SRF: variants seen among roughly 807,000 people sequenced by gnomAD.
SRF encodes the protein serum response factor, also known as c-fos serum response element-binding transcription factor.
SRF carries 7 observed loss-of-function variants against 37.1 expected under a neutral mutation model. The ratio of observed to expected loss-of-function variants is 0.19; its 90% CI spans 0.11 to 0.35. SRF has a LOEUF of 0.35. Among genes scored for constraint, SRF ranks in the 10% least tolerant of loss-of-function variants. The probability of loss-of-function intolerance (pLI) is 1.00; values close to 1 mark genes in which losing one functional copy is unlikely to be tolerated. For synonymous variants in SRF, 285 were observed against 310.1 expected (o/e 0.92, Z 0.85); for missense variants, 395 against 694.4 (o/e 0.57, Z 4.85).
rs552473833 is a variant in SRF, at chr6:43,178,168, A to G, written c.1163-126A>G. The G allele has an allele frequency of 2.3e-6, 2 of 888,088 alleles. No individual in the cohort carries two copies. The highest frequency in any genetic ancestry group is 3.1e-5 in the Admixed American group (1 of 32,408). The allele number at this position is 888,088 out of a possible 1,614,324, so 55.0% of individuals were successfully genotyped here. A position where few individuals can be genotyped will look rare whatever the true frequency, so the allele number is the denominator to read the frequency against. ...TCTTAGTTGATGATGGAGCTGAGGA[A>G]TAGTCGTGTCTAGCTTCTGACCTGG... On this transcript the variant is annotated intron_variant, in intron 4 of 6. Transcript: ENST00000265354. This position sits in a 1 kb window ranked among gnomAD's most constrained non-coding sequence, Gnocchi z 4.3.
chr6:43,177,228 G>GTTTTTTTTTTTGT (rs1772215264), intron 4 of SRF, among the ~76,000 whole-genome samples: 1 of 116,848 alleles, frequency 8.6e-6, no homozygotes, highest in African/African-American at 3.8e-5. Context: ...ATCGGAGTCT[G>GTTTTTTTTTTTGT]TTTTTTTTTT....
Position 43,178,400 on chromosome 6 carries a change from G to A in SRF, c.1269G>A (p.Leu423=), listed in dbSNP as rs748196511. 3 of 1,614,090 alleles carry A rather than the reference G, an allele frequency of 1.9e-6. No homozygotes were observed. The highest frequency in any genetic ancestry group is 1.7e-6 in the Non-Finnish European group (2 of 1,180,018). ...HAVMYAPTSG[L]GDGSLTVLNA... The stretch of plus-strand genomic sequence containing the variant: ...TGATGTATGCCCCCACCTCGGGCCT[G>A]GGTGATGGCAGCCTCACCGTGCTGA... Residue 423 remains leucine (L), a synonymous_variant, in exon 5 of 7, where the codon CTG becomes CTA. Transcript: ENST00000265354. The surrounding 1 kb of genome is among the most constrained non-coding windows in gnomAD (Gnocchi z 4.3).
Position 43,176,643 on chromosome 6 carries a change from A to G in SRF, c.1138A>G (p.Thr380Ala). 3 of 1,613,786 alleles carry G rather than the reference A, an allele frequency of 1.9e-6. No individual in the cohort carries two copies. The highest frequency in any genetic ancestry group is 2.5e-6 in the Non-Finnish European group (3 of 1,179,780). Residue 380 changes from threonine (T) to alanine (A), a missense_variant, in exon 4 of 7, where the codon ACG becomes GCG. By Grantham distance (58) the Thr-to-Ala change is moderately conservative. Transcript: ENST00000265354. This position sits in a 1 kb window ranked among gnomAD's most constrained non-coding sequence, Gnocchi z 4.0. ...CTCCCGTGACAGCAGCACAGACCTCACGCAGACCTCCTCCAGCGGGACAGG... is the reference window on the plus strand; with the variant it reads ...CTCCCGTGACAGCAGCACAGACCTCGCGCAGACCTCCTCCAGCGGGACAGG... Reference protein sequence around the residue: ...SPSRDSSTDLTQTSSSGTVTL... With the variant: ...SPSRDSSTDLAQTSSSGTVTL...
In SRF at chr6:43,171,306, G is replaced by C. The variant is rs1379365015; in HGVS notation, c.-351G>C. On this transcript the variant is annotated 5_prime_UTR_variant, in exon 1 of 7. Transcript: ENST00000265354. This position sits in a 1 kb window ranked among gnomAD's most constrained non-coding sequence, Gnocchi z 6.5. ...TCTTTATATGGGGGGAAGGGTCGGG[G>C]GATCCCTCCGCCGCCAGCGCGTGGT... is the stretch of plus-strand genomic sequence containing the variant. The C allele has an allele frequency of 1.2e-5, 2 of 166,914 alleles. No homozygotes were observed. The highest frequency in any genetic ancestry group is 4.8e-5 in the African/African-American group (2 of 41,952). The allele number at this position is 166,914 out of a possible 1,614,324, so 10.3% of individuals were successfully genotyped here.
chr6:43,176,770 C>T lies in SRF; in HGVS notation c.1162+103C>T. On this transcript the variant is annotated intron_variant, in intron 4 of 6. Transcript: ENST00000265354. This position sits in a 1 kb window ranked among gnomAD's most constrained non-coding sequence, Gnocchi z 4.0. The stretch of plus-strand genomic sequence containing the variant: ...TCCTGTAACTAAAGTCAGGGGATTT[C>T]TTAAAGTGGAGATTGAGGCTTTGGG... 6.7e-7 allele frequency: 1 copy of T among 1,487,550 alleles called. No homozygotes were observed. Among genetic ancestry groups the T allele is most frequent in the Non-Finnish European group, 9.1e-7 (1 of 1,099,082 alleles). 92.1% of individuals were successfully genotyped at this position (1,487,550 alleles called of 1,614,324 possible).
In SRF at chr6:43,176,548, G is replaced by T; in HGVS notation, c.1043G>T (p.Gly348Val). Reference sequence around the variant, plus strand: ...ACAAATAAGACTCTGTGTCTTGCAGGTGGGGCAGTGGCCCAGCAGGTCCCA... The same window carrying T: ...ACAAATAAGACTCTGTGTCTTGCAGTTGGGGCAGTGGCCCAGCAGGTCCCA... ...QLPTSFTLMP[G>V]GAVAQQVPVQ... is the part of the protein sequence containing the mutation. The change falls in exon 4 of 7, where the codon GGT becomes GTT. Residue 348 changes from glycine to valine, a missense_variant and splice_region_variant. Gly to Val is a moderately radical substitution (Grantham distance 109, BLOSUM62 -3). This residue lies in a region of SRF where 232 missense variants were observed against 335.6 expected (regional missense o/e 0.69). Coordinates refer to ENST00000265354, the MANE Select transcript of SRF (RefSeq NM_003131.4). The surrounding 1 kb of genome is among the most constrained non-coding windows in gnomAD (Gnocchi z 4.0). 6.2e-7 allele frequency: 1 copy of T among 1,614,104 alleles called. No individual in the cohort carries two copies. The highest frequency in any genetic ancestry group is 8.5e-7 in the Non-Finnish European group (1 of 1,179,992).
rs772298484 is a variant in SRF at position 43,172,205 on chromosome 6, G to T, written c.513+36G>T. ...GGGGGGCTGGCCGGCCCCGGGGCCC[G>T]GTTGGGGTGGGGATGTGCAAAGGGA... On this transcript the variant is annotated intron_variant, in intron 1 of 6. Coordinates refer to ENST00000265354, the MANE Select transcript of SRF (RefSeq NM_003131.4). The surrounding 1 kb of genome is among the most constrained non-coding windows in gnomAD (Gnocchi z 5.7). 4 of 1,590,208 alleles carry T rather than the reference G, an allele frequency of 2.5e-6. No homozygotes were observed. Among genetic ancestry groups the T allele is most frequent in the Non-Finnish European group, 3.4e-6 (4 of 1,173,442 alleles).
chr6:43,173,933 A>G lies in SRF; in HGVS notation c.600A>G (p.Arg200=), dbSNP rs372574286. ...GCCATGTGTATACCTTTGCCACCCG[A>G]AAACTGCAGCCCATGATCACCAGTG... is the stretch of plus-strand genomic sequence containing the variant. ...ETGHVYTFAT[R]KLQPMITSET... The change falls in exon 2 of 7, where the codon CGA becomes CGG. Residue 200 remains arginine, a synonymous_variant. Coordinates refer to ENST00000265354, the MANE Select transcript of SRF (RefSeq NM_003131.4). This position sits in a 1 kb window ranked among gnomAD's most constrained non-coding sequence, Gnocchi z 4.2. 7 of 1,613,982 alleles carry G rather than the reference A, an allele frequency of 4.3e-6. No homozygotes were observed. Among genetic ancestry groups the G allele is most frequent in the Non-Finnish European group, 5.9e-6 (7 of 1,180,022 alleles).
Position 43,172,740 on chromosome 6 carries a change from C to T in SRF, c.513+571C>T, listed in dbSNP as rs1165419227. Among the ~76,000 whole-genome samples, 1 of 152,148 alleles carries T rather than the reference C, an allele frequency of 6.6e-6. No individual in the cohort carries two copies. Among genetic ancestry groups the T allele is most frequent in the Non-Finnish European group, 1.5e-5 (1 of 68,024 alleles). On this transcript the variant is annotated intron_variant, in intron 1 of 6. Transcript: ENST00000265354. The surrounding 1 kb of genome is among the most constrained non-coding windows in gnomAD (Gnocchi z 5.7). ...CTGGTGCTGCCCTGAGCAGCAGGAA[C>T]CTAGTCCTGCGCCGGCCGTGAGTCT... is the stretch of plus-strand genomic sequence containing the variant.
Position 43,181,062 on chromosome 6 carries a change from C to T in SRF, c.*1872C>T, listed in dbSNP as rs1195914146. 1.3e-5 allele frequency: 2 copies of T among 152,602 alleles called. No homozygotes were observed. Among genetic ancestry groups the T allele is most frequent in the Admixed American group, 1.3e-4 (2 of 15,272 alleles). 9.5% of individuals were successfully genotyped at this position (152,602 alleles called of 1,614,324 possible). Reference sequence around the variant, plus strand: ...ACTCAGGTCTGTAACTGCCCAGCCCCTTTTCTCTGCTCTTGTTTCACTCCA... The same window carrying T: ...ACTCAGGTCTGTAACTGCCCAGCCCTTTTTCTCTGCTCTTGTTTCACTCCA... On this transcript the variant is annotated 3_prime_UTR_variant, in exon 7 of 7. Coordinates refer to ENST00000265354, the MANE Select transcript of SRF (RefSeq NM_003131.4).
intron 4 of SRF, among the ~76,000 whole-genome samples, chr6:43,177,304 A>G (rs1772219976): frequency 1.4e-5 from 2 of 142,454 alleles, no homozygotes. Context: ...ATCTCGGCTC[A>G]CTGCAAGCTC....
rs59146246 is a variant in SRF, at chr6:43,175,424, G to T, written c.781-282G>T. On this transcript the variant is annotated intron_variant, in intron 2 of 6. Coordinates refer to ENST00000265354, the MANE Select transcript of SRF (RefSeq NM_003131.4). The stretch of plus-strand genomic sequence containing the variant: ...ATAAGAGCAGCAAATATTTATTTTG[G>T]TTTTTTTATGTGCCAGGTAGTGTTT... Among the ~76,000 whole-genome samples, 12,599 of 152,112 alleles carry T rather than the reference G, an allele frequency of 0.083. 563 individuals carry two copies. The highest frequency in any genetic ancestry group is 0.11 in the African/African-American group (4,402 of 41,476).
rs1476972293 is a variant in SRF, at chr6:43,176,833, G to A, written c.1162+166G>A. 1.3e-5 allele frequency among the ~76,000 whole-genome samples: 2 copies of A among 152,196 alleles called. No individual in the cohort carries two copies. The highest frequency in any genetic ancestry group is 1.3e-4 in the Admixed American group (2 of 15,278). On this transcript the variant is annotated intron_variant, in intron 4 of 6. Coordinates refer to ENST00000265354, the MANE Select transcript of SRF (RefSeq NM_003131.4). This position sits in a 1 kb window ranked among gnomAD's most constrained non-coding sequence, Gnocchi z 4.0. Reference sequence around the variant, plus strand: ...GGGGAAGTCAGGTGAGGATGACTGGGTTTTGAATCCCGCCCTGCAGTGGGC... The same window carrying A: ...GGGGAAGTCAGGTGAGGATGACTGGATTTTGAATCCCGCCCTGCAGTGGGC...
rs1772143411 is a variant in SRF at position 43,173,380 on chromosome 6, T to TGGG, written c.514-465_514-464insGGG. On this transcript the variant is annotated intron_variant, in intron 1 of 6. Coordinates refer to ENST00000265354, the MANE Select transcript of SRF (RefSeq NM_003131.4). This position sits in a 1 kb window ranked among gnomAD's most constrained non-coding sequence, Gnocchi z 4.2. ...GAGAAACTAGGCTGTGGCAACAAGT[T>TGGG]GGAGCCTGTGCAGTTTCTGGAAAGA... Among the ~76,000 whole-genome samples the TGGG allele has an allele frequency of 1.3e-5, 2 of 152,176 alleles. No individual in the cohort carries two copies.
Position 43,176,655 on chromosome 6 carries a change from T to G in SRF, c.1150T>G (p.Ser384Ala). The change falls in exon 4 of 7, where the codon TCC (serine) becomes GCC (alanine). Residue 384 changes from serine (S) to alanine (A), a missense_variant. Physicochemically the swap from Ser to Ala is moderately conservative, Grantham distance 99. Coordinates refer to ENST00000265354, the MANE Select transcript of SRF (RefSeq NM_003131.4). The surrounding 1 kb of genome is among the most constrained non-coding windows in gnomAD (Gnocchi z 4.0). The stretch of plus-strand genomic sequence containing the variant: ...CAGCACAGACCTCACGCAGACCTCC[T>G]CCAGCGGGACAGGTATAGCTCGCAG... Reference protein sequence around the residue: ...DSSTDLTQTSSSGTVTLPATI... With the variant: ...DSSTDLTQTSASGTVTLPATI... 1 of 1,613,984 alleles carries G rather than the reference T, an allele frequency of 6.2e-7. No individual in the cohort carries two copies. The highest frequency in any genetic ancestry group is 8.5e-7 in the Non-Finnish European group (1 of 1,179,954).
rs1041728586 is a variant in SRF, at chr6:43,179,716, C to A, written c.*526C>A. On this transcript the variant is annotated 3_prime_UTR_variant, in exon 7 of 7. Transcript: ENST00000265354. The surrounding 1 kb of genome is among the most constrained non-coding windows in gnomAD (Gnocchi z 5.3). ...CTTCCTCACACTGCTGTCCTCTCCC[C>A]CTTCAGCTCCTGAGTAGCTGGGCCT... The A allele has an allele frequency of 6.1e-5, 10 of 165,018 alleles. 1 individual carries two copies. The highest frequency in any genetic ancestry group is 3.4e-4 in the Admixed American group (6 of 17,904). The allele number at this position is 165,018 out of a possible 1,614,324, so 10.2% of individuals were successfully genotyped here.
At position 43,171,432 on chromosome 6, in the gene SRF, G is replaced by T; in HGVS notation, c.-225G>T. On this transcript the variant is annotated 5_prime_UTR_variant, in exon 1 of 7. Transcript: ENST00000265354. This position sits in a 1 kb window ranked among gnomAD's most constrained non-coding sequence, Gnocchi z 6.5. ...CGCGCCGCCCTAGCAGACGGACAGG[G>T]GGCGCTGCGCGCGGCCTGGGGCAAC... 3.2e-6 allele frequency: 1 copy of T among 310,662 alleles called. No homozygotes were observed. The highest frequency in any genetic ancestry group is 5.5e-6 in the Non-Finnish European group (1 of 181,172). The allele number at this position is 310,662 out of a possible 1,614,324, so 19.2% of individuals were successfully genotyped here.
At position 43,178,761 on chromosome 6, in the gene SRF, GT is replaced by G; in HGVS notation, c.1355-42del. The G allele has an allele frequency of 6.3e-7, 1 of 1,599,346 alleles. No homozygotes were observed. The highest frequency in any genetic ancestry group is 8.6e-7 in the Non-Finnish European group (1 of 1,166,800). ...GACACCACTCCTCCAATATCTGGAA[GT>G]TTCAACAAACAATTTGAGTATCTCC... is the stretch of plus-strand genomic sequence containing the variant. On this transcript the variant is annotated intron_variant, in intron 5 of 6. Transcript: ENST00000265354. This position sits in a 1 kb window ranked among gnomAD's most constrained non-coding sequence, Gnocchi z 4.3.
chr6:43,178,464 C>A lies in SRF; in HGVS notation c.1333C>A (p.His445Asn), dbSNP rs1273568981. 4 of 1,613,696 alleles carry A rather than the reference C, an allele frequency of 2.5e-6. No individual in the cohort carries two copies. The highest frequency in any genetic ancestry group is 2.5e-6 in the Non-Finnish European group (3 of 1,179,772). ...SQAPSTMQVS[H>N]SQVQEPGGVP... ...GGCACCATCCACCATGCAGGTGTCA[C>A]ACAGCCAGGTCCAGGAGCCAGGTGA... The change falls in exon 5 of 7, where the codon CAC (histidine) becomes AAC (asparagine). Residue 445 changes from histidine (H) to asparagine (N), a missense_variant. By Grantham distance (68) the His-to-Asn change is moderately conservative (BLOSUM62 1). Transcript: ENST00000265354. This position sits in a 1 kb window ranked among gnomAD's most constrained non-coding sequence, Gnocchi z 4.3.
Sources: allele counts gnomAD v4.1 joint callset (sites outside exome capture counted in the v4.1 genomes callset), GRCh38; gene constraint gnomAD v4.1.1; regional missense constraint gnomAD v4.1.1; non-coding constraint Gnocchi (gnomAD v3.1); transcripts MANE v1.5; gene names NCBI Gene and HGNC (gene_info 2026-07-23, HGNC 2026-07-21).